DCAF8: variants seen among roughly 807,000 people sequenced by gnomAD.
DCAF8 encodes the protein DDB1 and CUL4 associated factor 8, also known as DDB1- and CUL4-associated factor 8.
DCAF8 carries 20 observed loss-of-function variants against 68.0 expected under a neutral mutation model. That is an observed-to-expected ratio of 0.29 (90% CI 0.21 to 0.43). DCAF8 has a LOEUF of 0.43. DCAF8 is among the 20% of genes least tolerant of loss of function. The pLI, the probability that DCAF8 is intolerant of heterozygous loss-of-function variation, is 1.00. For missense variants in DCAF8, 460 were observed against 771.0 expected, an observed-to-expected ratio of 0.60 and a Z score of 4.78; for synonymous variants, 230 against 276.9, an observed-to-expected ratio of 0.83 and a Z score of 1.68.
chr1:160,258,509 T>C (rs1336236392), intron 2 of DCAF8, among the ~76,000 whole-genome samples: 1 of 151,298 alleles, frequency 6.6e-6, no homozygotes, highest in African/African-American at 2.4e-5. Context: ...ATCTTCAAGC[T>C]GGGTGCTGCG....
intron 2 of DCAF8, among the ~76,000 whole-genome samples, chr1:160,253,782 G>A (rs1294447428): frequency 6.6e-6 from 1 of 151,620 alleles, no homozygotes; most frequent in Non-Finnish European, 1.5e-5. Flanking sequence ...ACTGTGATGG[G>A]GTCACTGCAC....
At chr1:160,239,340 C>T (rs1656010032) in intron 4 of DCAF8, 1 of 1,268,064 alleles carries the variant, frequency 7.9e-7, no homozygotes, top group East Asian at 2.7e-5. Flanking sequence ...AAACTGAAGA[C>T]AAAGGTAAAA....
intron 2 of DCAF8, among the ~76,000 whole-genome samples, chr1:160,255,545 G>C (rs1289919484): frequency 6.6e-6 from 1 of 152,160 alleles, no homozygotes; most frequent in Non-Finnish European, 1.5e-5. Context: ...TTCCTTCTTT[G>C]AATTAATGCC....
chr1:160,240,458 A>G (rs1216057145), intron 3 of DCAF8, 88 bp from the exon 4 acceptor site: 3 of 1,299,256 alleles, frequency 2.3e-6, no homozygotes, highest in Non-Finnish European at 3.1e-6. Context: ...CTTCACATCA[A>G]AAGACCAAAA....
chr1:160,245,997 G>T (rs959127223), intron 2 of DCAF8, among the ~76,000 whole-genome samples: 6 of 152,254 alleles, frequency 3.9e-5, no homozygotes, highest in Admixed American at 3.9e-4. Context: ...AATTAGCTGG[G>T]CATGGTGGCA....
intron 2 of DCAF8, among the ~76,000 whole-genome samples, chr1:160,245,556 G>T (rs1262857921): frequency 2.6e-5 from 4 of 152,182 alleles, no homozygotes; most frequent in Non-Finnish European, 5.9e-5. Flanking sequence ...GCCAAGGTGG[G>T]AATAGAAATA....
chr1:160,222,570 G>C, intron 11 of DCAF8, 81 bp downstream of exon 11: 1 of 1,560,836 alleles, frequency 6.4e-7, no homozygotes, highest in Non-Finnish European at 8.8e-7. Flanking sequence ...TAGTCACAGT[G>C]AGAATTCAGT....
intron 7 of DCAF8, among the ~76,000 whole-genome samples, chr1:160,228,618 T>C (rs1325540862): frequency 6.6e-6 from 1 of 151,782 alleles, no homozygotes; most frequent in Non-Finnish European, 1.5e-5. Flanking sequence ...ACCTTTTTTT[T>C]TTTTTTGGCC....
At chr1:160,241,532 C>A (rs969659767) in intron 3 of DCAF8, among the ~76,000 whole-genome samples, 1 of 152,210 alleles carries the variant, frequency 6.6e-6, no homozygotes, top group African/African-American at 2.4e-5. Flanking sequence ...TAACTACATA[C>A]TGCATTCTCT....
At chr1:160,250,000 C>T (rs1438641273) in intron 2 of DCAF8, among the ~76,000 whole-genome samples, 1 of 152,142 alleles carries the variant, frequency 6.6e-6, no homozygotes, top group African/African-American at 2.4e-5. Flanking sequence ...GGGAATGAAA[C>T]TGACTACGAA....
At position 160,217,616 on chromosome 1, in the gene DCAF8, G is replaced by T; in HGVS notation, c.1770C>A (p.Asp590Glu). 2 of 1,613,908 alleles carry T rather than the reference G, an allele frequency of 1.2e-6. No homozygotes were observed. The highest frequency in any genetic ancestry group is 4.5e-5 in the East Asian group (2 of 44,876). ...CTCAAGATGGCATGCACTGCACCCGGTCAGGGCCCTCCTCCTCGTCCGATG... is the reference window on the plus strand; with the variant it reads ...CTCAAGATGGCATGCACTGCACCCGTTCAGGGCCCTCCTCCTCGTCCGATG... ...SDTSDEEEGPDRVQCMPS is the reference protein window; with the variant it reads ...SDTSDEEEGPERVQCMPS The change falls in exon 14 of 14, where the codon GAC becomes GAA. Residue 590 changes from aspartate (D) to glutamate (E), a missense_variant. Asp to Glu is a conservative substitution (Grantham distance 45, BLOSUM62 2). Transcript: ENST00000368074.
At chr1:160,262,241 G>A (rs938029660) in intron 1 of DCAF8, 1 of 398,330 alleles carries the variant, frequency 2.5e-6, no homozygotes, top group Non-Finnish European at 4.4e-6. Context: ...GGGAAGCGAG[G>A]GGGGGCGCAG....
At chr1:160,257,256 T>C (rs1656871681) in intron 2 of DCAF8, among the ~76,000 whole-genome samples, 1 of 150,498 alleles carries the variant, frequency 6.6e-6, no homozygotes, top group Non-Finnish European at 1.5e-5. Context: ...CTTAGCTCAC[T>C]GATAATCTGC....
In DCAF8 at chr1:160,240,434, T is replaced by C. The variant is rs1440909807; in HGVS notation, c.50-64A>G. 2.1e-6 allele frequency: 3 copies of C among 1,457,464 alleles called. No individual in the cohort carries two copies. The East Asian group carries it at 6.9e-5, about 33-fold the overall frequency. The allele number at this position is 1,457,464 out of a possible 1,614,324, so 90.3% of individuals were successfully genotyped here. A position where few individuals can be genotyped will look rare whatever the true frequency, so the allele number is the denominator to read the frequency against. On this transcript the variant is annotated intron_variant, in intron 3 of 13. Transcript: ENST00000368074. ...ATAAGAAAACAGGATAGTGACCACCTTAGTCTAAGAAATCTTCACATCAAA... is the reference window on the plus strand; with the variant it reads ...ATAAGAAAACAGGATAGTGACCACCCTAGTCTAAGAAATCTTCACATCAAA...
At chr1:160,258,172 C>A (rs915984558) in intron 2 of DCAF8, among the ~76,000 whole-genome samples, 1 of 151,878 alleles carries the variant, frequency 6.6e-6, no homozygotes, top group Non-Finnish European at 1.5e-5. Context: ...TATGGTGAAA[C>A]CTCATCTTTA....
At chr1:160,250,175 C>T (rs895573737) in intron 2 of DCAF8, among the ~76,000 whole-genome samples, 7 of 152,194 alleles carry the variant, frequency 4.6e-5, no homozygotes, top group Admixed American at 1.3e-4. Flanking sequence ...CTAAAAAGAG[C>T]GAATGCAGGC....
At chr1:160,241,508 G>A (rs1364067730) in intron 3 of DCAF8, among the ~76,000 whole-genome samples, 2 of 152,110 alleles carry the variant, frequency 1.3e-5, no homozygotes, top group Non-Finnish European at 2.9e-5. Flanking sequence ...CACTTTTATC[G>A]ATCTTATCTC....
intron 1 of DCAF8, chr1:160,261,668 G>C (rs1034166964): frequency 2.0e-5 from 3 of 152,122 alleles, no homozygotes; most frequent in Admixed American, 2.0e-4. Context: ...CCACAGAGCA[G>C]GGGGGGAAAT....
chr1:160,253,872 C>T (rs1396752894), intron 2 of DCAF8, among the ~76,000 whole-genome samples: 1 of 151,776 alleles, frequency 6.6e-6, no homozygotes, highest in East Asian at 1.9e-4. Context: ...ATAGTCCATG[C>T]TTCCAAAAAA....
Sources: allele counts gnomAD v4.1 joint callset (sites outside exome capture counted in the v4.1 genomes callset), GRCh38; gene constraint gnomAD v4.1.1; transcripts MANE v1.5; gene names NCBI Gene and HGNC (gene_info 2026-07-23, HGNC 2026-07-21).